Variants in LOC128462377 observed in about 807,000 individuals in gnomAD.
At chr16:89,328,593 G>GC in the LOC128462377 span, among the ~76,000 whole-genome samples, 4 of 151,662 alleles carry the variant, frequency 2.6e-5, no homozygotes, top group Non-Finnish European at 4.4e-5. Context: ...AGGCGTACGG[G>GC]TGAATCTGCA....
the LOC128462377 span, among the ~76,000 whole-genome samples, chr16:89,332,735 G>T: frequency 6.6e-6 from 1 of 152,184 alleles, no homozygotes; most frequent in Admixed American, 6.5e-5. Flanking sequence ...CCTCTCTGAG[G>T]AAAGTGCCCC....
chr16:89,340,261 T>A, the LOC128462377 span, among the ~76,000 whole-genome samples: 4 of 152,230 alleles, frequency 2.6e-5, no homozygotes, highest in African/African-American at 9.6e-5. Flanking sequence ...TTAGGGCAGA[T>A]GTCTTCTGTT....
chr16:89,320,149 A>G, the LOC128462377 span: 1 of 152,302 alleles, frequency 6.6e-6, no homozygotes, highest in East Asian at 1.9e-4. Flanking sequence ...CCTCCCTGGC[A>G]GGGCTGTCAC....
At chr16:89,324,560 C>T in the LOC128462377 span, 4 of 455,188 alleles carry the variant, frequency 8.8e-6, no homozygotes, top group African/African-American at 2.0e-5. Flanking sequence ...GAGAGGCCGA[C>T]GAACCCTCCA....
At chr16:89,328,830 T>G in the LOC128462377 span, 1 of 133,314 alleles carries the variant, frequency 7.5e-6, no homozygotes, top group Middle Eastern at 4.1e-3. Flanking sequence ...GCTGAGTGAG[T>G]GGACATACCC....
chr16:89,322,432 G>A, the LOC128462377 span, among the ~76,000 whole-genome samples: 4 of 152,284 alleles, frequency 2.6e-5, no homozygotes, highest in African/African-American at 7.2e-5. Context: ...TTTAAATATC[G>A]AATGGTGCCC....
chr16:89,348,787 T>A, the LOC128462377 span, among the ~76,000 whole-genome samples: 1 of 151,910 alleles, frequency 6.6e-6, no homozygotes, highest in South Asian at 2.1e-4. Flanking sequence ...CACAGCAATG[T>A]CCCTTTTCTC....
chr16:89,334,605 C>T, the LOC128462377 span, among the ~76,000 whole-genome samples: 2 of 152,124 alleles, frequency 1.3e-5, no homozygotes, highest in African/African-American at 2.4e-5. Context: ...AGGCCAGACC[C>T]TGACCCAGAG....
the LOC128462377 span, among the ~76,000 whole-genome samples, chr16:89,381,354 A>AG: frequency 5.2e-3 from 648 of 125,134 alleles, 21 homozygotes; most frequent in African/African-American, 0.02. Flanking sequence ...AAAAAAAAAA[A>AG]GGGGTGAGAA....
At chr16:89,359,069 C>A in the LOC128462377 span, among the ~76,000 whole-genome samples, 1 of 152,014 alleles carries the variant, frequency 6.6e-6, no homozygotes, top group Non-Finnish European at 1.5e-5. Context: ...ACTGACAGAG[C>A]AAAGCCTTTC....
chr16:89,411,851 G>C, the LOC128462377 span, among the ~76,000 whole-genome samples: 1 of 152,198 alleles, frequency 6.6e-6, no homozygotes, highest in Admixed American at 6.5e-5. Context: ...GGAATCCAAT[G>C]GCCAGTAACG....
At chr16:89,378,950 T>G in the LOC128462377 span, among the ~76,000 whole-genome samples, 2 of 152,224 alleles carry the variant, frequency 1.3e-5, no homozygotes, top group East Asian at 1.9e-4. Context: ...TTTCCAAGGC[T>G]GAAGACCTTT....
At chr16:89,394,629 CA>C in the LOC128462377 span, among the ~76,000 whole-genome samples, 81,212 of 140,142 alleles carry the variant, frequency 0.58, 22,349 homozygotes, top group Middle Eastern at 0.72. Context: ...ACTCTGTCTC[CA>C]AAAAAAAAAA....
chr16:89,393,252 C>A, the LOC128462377 span, among the ~76,000 whole-genome samples: 1 of 152,096 alleles, frequency 6.6e-6, no homozygotes, highest in South Asian at 2.1e-4. Flanking sequence ...ACCCTGGGAC[C>A]AAGAGAGTCC....
the LOC128462377 span, among the ~76,000 whole-genome samples, chr16:89,352,207 A>C: frequency 6.6e-5 from 10 of 152,048 alleles, no homozygotes; most frequent in Admixed American, 6.6e-4. Context: ...TTCTTTGAAA[A>C]GCATGAGACA....
the LOC128462377 span, among the ~76,000 whole-genome samples, chr16:89,384,312 C>T: frequency 6.6e-6 from 1 of 152,180 alleles, no homozygotes; most frequent in Non-Finnish European, 1.5e-5. Context: ...GGGTGGATCA[C>T]CTGAGGTCAG....
the LOC128462377 span, among the ~76,000 whole-genome samples, chr16:89,384,879 C>CTTTTGTTTTTTTTTTTTTTT: frequency 2.0e-5 from 1 of 49,910 alleles, no homozygotes; most frequent in Non-Finnish European, 3.5e-5. Flanking sequence ...AAATAGTTTT[C>CTTTTGTTTTTTTTTTTTTTT]TTTTTTTTTT....
At chr16:89,341,900 A>ACTG in the LOC128462377 span, among the ~76,000 whole-genome samples, 402 of 115,488 alleles carry the variant, frequency 3.5e-3, 2 homozygotes, top group East Asian at 0.023. Flanking sequence ...CTGCACCTCC[A>ACTG]CCCACAGCGG....
the LOC128462377 span, chr16:89,317,057 G>T: frequency 6.3e-7 from 1 of 1,595,348 alleles, no homozygotes. Flanking sequence ...TACACGGCCG[G>T]CGCTTCATCA....
Sources: gnomAD v4.1 joint callset for allele counts (sites outside exome capture counted in the v4.1 genomes callset) on GRCh38, gnomAD v4.1.1 for gene constraint, MANE v1.5 for transcripts.